The following NRXN1 variants were observed in gnomAD, a reference collection of about 807,000 sequenced individuals.
The protein encoded by NRXN1 is neurexin 1.
Under a neutral mutation model 150.9 loss-of-function variants are expected in NRXN1, and 39 were observed. That is an observed-to-expected ratio of 0.26 (90% CI 0.20 to 0.34). The LOEUF (loss-of-function observed/expected upper bound fraction) is 0.34, where lower values mean the gene tolerates loss of function less well. Among genes scored for constraint, NRXN1 ranks in the 10% least tolerant of loss-of-function variants. The probability of loss-of-function intolerance (pLI) is 1.00; values close to 1 mark genes in which losing one functional copy is unlikely to be tolerated. For synonymous variants in NRXN1, 924 were observed against 757.0 expected (o/e 1.22, Z -3.62); for missense variants, 1,815 against 1,949.9 (o/e 0.93, Z 1.30).
At chr2:50,181,675 A>C (rs955720812) in intron 18 of NRXN1, among the ~76,000 whole-genome samples, 2 of 152,122 alleles carry the variant, frequency 1.3e-5, no homozygotes, top group African/African-American at 2.4e-5. Flanking sequence ...CTCTGACATT[A>C]TTCCACGGAT....
chr2:50,930,380 G>C (rs1271266015), intron 2 of NRXN1, among the ~76,000 whole-genome samples: 1 of 150,962 alleles, frequency 6.6e-6, no homozygotes, highest in South Asian at 2.1e-4. Flanking sequence ...TTAAAAGAAA[G>C]AAGAGAAAAA....
At chr2:51,011,232 C>T (rs1667808010) in intron 2 of NRXN1, among the ~76,000 whole-genome samples, 1 of 151,758 alleles carries the variant, frequency 6.6e-6, no homozygotes, top group African/African-American at 2.4e-5. Context: ...TTTGTTTGAC[C>T]ATTACCGACA....
intron 8 of NRXN1, among the ~76,000 whole-genome samples, chr2:50,610,677 A>ATC (rs1553879957): frequency 1.5e-5 from 2 of 130,228 alleles, no homozygotes; most frequent in African/African-American, 5.7e-5. Flanking sequence ...ATATATATAT[A>ATC]TCTGTACAAA....
chr2:50,008,465 G>T (rs1685117562), intron 21 of NRXN1, among the ~76,000 whole-genome samples: 1 of 118,780 alleles, frequency 8.4e-6, no homozygotes. Context: ...GGAGAAGGAT[G>T]CCATTTTTTT....
chr2:50,886,063 T>A (rs886438878), intron 5 of NRXN1, among the ~76,000 whole-genome samples: 1 of 151,436 alleles, frequency 6.6e-6, no homozygotes, highest in East Asian at 1.9e-4. Flanking sequence ...AGATTTTTAT[T>A]TGATCATTGT....
At chr2:50,501,588 T>G (rs2091949651) in intron 13 of NRXN1, among the ~76,000 whole-genome samples, 1 of 152,002 alleles carries the variant, frequency 6.6e-6, no homozygotes, top group African/African-American at 2.4e-5. Flanking sequence ...CTTTCAGGCT[T>G]GGGTAACTGG....
intron 17 of NRXN1, among the ~76,000 whole-genome samples, chr2:50,366,334 C>T (rs1572697346): frequency 6.6e-6 from 1 of 151,836 alleles, no homozygotes; most frequent in African/African-American, 2.4e-5. Context: ...TATATAGAAA[C>T]ACCAAGATTC....
intron 8 of NRXN1, among the ~76,000 whole-genome samples, chr2:50,581,388 GCTTATGTTTCTCT>G: frequency 6.6e-6 from 1 of 152,240 alleles, no homozygotes; most frequent in Non-Finnish European, 1.5e-5. Context: ...TTATTGGATA[GCTTATGTTTCTCT>G]CTTCAAATAA....
chr2:51,001,236 G>C lies in NRXN1; in HGVS notation c.772+26266C>G, dbSNP rs1481134771. 2.2e-4 allele frequency among the ~76,000 whole-genome samples: 20 copies of C among 89,346 alleles called. No homozygotes were observed. In the East Asian group the frequency reaches 0.012, roughly 55 times the overall value. 58.6% of individuals were successfully genotyped at this position (89,346 alleles called of 152,430 possible). A position where few individuals can be genotyped will look rare whatever the true frequency, so the allele number is the denominator to read the frequency against. On this transcript the variant is annotated intron_variant, in intron 2 of 22. Transcript: ENST00000401669. ...GTACAATGGTAGATTCATGGGGTTGGGGGGGGGGGGCGTTTGTCAGGGGAG... is the reference window on the plus strand; with the variant it reads ...GTACAATGGTAGATTCATGGGGTTGCGGGGGGGGGGCGTTTGTCAGGGGAG...
At chr2:50,302,908 C>T (rs893916354) in intron 17 of NRXN1, among the ~76,000 whole-genome samples, 1 of 65,386 alleles carries the variant, frequency 1.5e-5, no homozygotes, top group Non-Finnish European at 2.9e-5. Context: ...CCATAGTCTA[C>T]CAGGCCATCC....
At chr2:50,545,092 A>G (rs1201535698) in intron 9 of NRXN1, among the ~76,000 whole-genome samples, 1 of 152,294 alleles carries the variant, frequency 6.6e-6, no homozygotes, top group East Asian at 1.9e-4. Context: ...AAATTATTTT[A>G]GTGGTTATCT....
intron 22 of NRXN1, among the ~76,000 whole-genome samples, chr2:49,928,310 AAG>A (rs1480479120): frequency 2.6e-5 from 4 of 151,990 alleles, no homozygotes; most frequent in African/African-American, 9.6e-5. Context: ...TCTTCTCACT[AAG>A]AGTTTCTGAC....
chr2:50,522,719 C>CCTTTTTTT lies in NRXN1; in HGVS notation c.2374+5905_2374+5906insAAAAAAAG, dbSNP rs1323306682. On this transcript the variant is annotated intron_variant, in intron 12 of 22. Transcript: ENST00000401669. ...TTCCATTTATTCATTTATTTTTATT[C>CCTTTTTTT]ATTTTTTTTTTTTTTTTTTTTTTTT... Among the ~76,000 whole-genome samples, 128 of 86,554 alleles carry CCTTTTTTT rather than the reference C, an allele frequency of 1.5e-3. 49 individuals are homozygous for CCTTTTTTT. Among genetic ancestry groups the CCTTTTTTT allele is most frequent in the African/African-American group, 5.0e-3 (84 of 16,772 alleles). 56.8% of individuals were successfully genotyped at this position (86,554 alleles called of 152,430 possible). A position where few individuals can be genotyped will look rare whatever the true frequency, so the allele number is the denominator to read the frequency against.
chr2:50,300,898 G>T (rs2074087173), intron 17 of NRXN1, among the ~76,000 whole-genome samples: 1 of 152,126 alleles, frequency 6.6e-6, no homozygotes, highest in Admixed American at 6.5e-5. Flanking sequence ...GTTTCACCAT[G>T]TTGGCCAGGC....
intron 2 of NRXN1, among the ~76,000 whole-genome samples, chr2:50,943,066 T>C (rs1281619047): frequency 6.6e-6 from 1 of 152,084 alleles, no homozygotes; most frequent in African/African-American, 2.4e-5. Context: ...ATCTGGTTGT[T>C]TGATAAGTAT....
intron 5 of NRXN1, among the ~76,000 whole-genome samples, chr2:50,750,147 C>CA (rs1554044223): frequency 6.6e-6 from 1 of 151,738 alleles, no homozygotes; most frequent in Non-Finnish European, 1.5e-5. Context: ...CAAACTAAAA[C>CA]AATAATAATA....
intron 5 of NRXN1, among the ~76,000 whole-genome samples, chr2:50,660,025 T>C (rs1355583545): frequency 6.6e-6 from 1 of 152,018 alleles, no homozygotes; most frequent in Non-Finnish European, 1.5e-5. Flanking sequence ...TCCCAACATC[T>C]AGAACAGTGC....
chr2:50,333,622 G>A (rs2076971896), intron 17 of NRXN1, among the ~76,000 whole-genome samples: 1 of 152,050 alleles, frequency 6.6e-6, no homozygotes, highest in South Asian at 2.1e-4. Flanking sequence ...AGGACACTGC[G>A]AGTCCTCCCG....
chr2:50,302,731 G>C (rs994667065), intron 17 of NRXN1, among the ~76,000 whole-genome samples: 9 of 152,026 alleles, frequency 5.9e-5, no homozygotes, highest in Admixed American at 3.9e-4. Flanking sequence ...CATTACGCTA[G>C]TTTCAAGAAA....
Sources: gnomAD v4.1 joint callset for allele counts (sites outside exome capture counted in the v4.1 genomes callset) on GRCh38, gnomAD v4.1.1 for gene constraint, MANE v1.5 for transcripts, NCBI Gene and HGNC (gene_info 2026-07-23, HGNC 2026-07-21) for gene names.